The following RPS6KC1 variants were observed in gnomAD, a reference collection of about 807,000 sequenced individuals.
RPS6KC1 encodes the protein inactive ribosomal protein S6 kinase delta-1.
A neutral mutation model predicts 103.8 loss-of-function variants in RPS6KC1; 54 were observed. The ratio of observed to expected loss-of-function variants is 0.52; its 90% CI spans 0.42 to 0.65. The LOEUF (loss-of-function observed/expected upper bound fraction) is 0.65. Ranked by LOEUF, RPS6KC1 falls within the 30% of genes least tolerant of loss-of-function variation. RPS6KC1 has a pLI of 0.00. For synonymous variants in RPS6KC1, 439 were observed against 438.7 expected (o/e 1.00, Z -0.01); for missense variants, 1,151 against 1,253.8 (o/e 0.92, Z 1.24).
At chr1:213,461,428 G>A in the RPS6KC1 span, among the ~76,000 whole-genome samples, 3 of 151,948 alleles carry the variant, frequency 2.0e-5, no homozygotes, top group Non-Finnish European at 4.4e-5. Flanking sequence ...GTTAGAAAAC[G>A]GTACTTTAAA....
intron 14 of RPS6KC1, among the ~76,000 whole-genome samples, chr1:213,270,596 TGAG>T (rs2095025250): frequency 1.2e-5 from 1 of 82,686 alleles, no homozygotes; most frequent in Admixed American, 1.8e-4. Context: ...GACAACATAG[TGAG>T]ACCCCGCCTC....
At chr1:213,071,170 C>G (rs534515430) in intron 2 of RPS6KC1, 129 bp downstream of exon 2, 216 of 550,946 alleles carry the variant, frequency 3.9e-4, no homozygotes, top group Non-Finnish European at 6.3e-4. Context: ...GCTCCTGTTG[C>G]TCAGGCTGGA....
the RPS6KC1 span, among the ~76,000 whole-genome samples, chr1:213,292,109 G>A: frequency 6.6e-6 from 1 of 151,968 alleles, no homozygotes; most frequent in Non-Finnish European, 1.5e-5. Context: ...GAGGGGTGGG[G>A]GTAGGGGGTA....
chr1:213,330,073 T>C, the RPS6KC1 span, among the ~76,000 whole-genome samples: 1 of 152,244 alleles, frequency 6.6e-6, no homozygotes, highest in Non-Finnish European at 1.5e-5. Flanking sequence ...CCATTCACAC[T>C]GGGTATTGTG....
the RPS6KC1 span, among the ~76,000 whole-genome samples, chr1:213,600,187 A>T: frequency 6.6e-6 from 1 of 152,250 alleles, no homozygotes; most frequent in East Asian, 1.9e-4. Flanking sequence ...CTCCCCAGCC[A>T]TGTGGAACTG....
At chr1:213,474,861 A>G in the RPS6KC1 span, among the ~76,000 whole-genome samples, 3 of 152,216 alleles carry the variant, frequency 2.0e-5, no homozygotes, top group Non-Finnish European at 4.4e-5. Flanking sequence ...ACAAAGTTCA[A>G]TATAAAACTT....
At chr1:213,335,096 A>C in the RPS6KC1 span, among the ~76,000 whole-genome samples, 4 of 152,214 alleles carry the variant, frequency 2.6e-5, no homozygotes, top group East Asian at 7.7e-4. Context: ...CATTTTGCAC[A>C]TGTGGGAGCT....
At chr1:213,334,849 T>C in the RPS6KC1 span, among the ~76,000 whole-genome samples, 1 of 152,240 alleles carries the variant, frequency 6.6e-6, no homozygotes, top group African/African-American at 2.4e-5. Flanking sequence ...TCTAGAGATA[T>C]ATATATTTAC....
chr1:213,476,654 C>T, the RPS6KC1 span, among the ~76,000 whole-genome samples: 1 of 152,168 alleles, frequency 6.6e-6, no homozygotes. Flanking sequence ...TTAACTCAGC[C>T]AGAGAAATTT....
At chr1:213,328,773 A>G in the RPS6KC1 span, among the ~76,000 whole-genome samples, 1 of 151,924 alleles carries the variant, frequency 6.6e-6, no homozygotes, top group Admixed American at 6.6e-5. Flanking sequence ...GACAGAGAAG[A>G]CACTGTAAAT....
chr1:213,678,801 A>G, the RPS6KC1 span, among the ~76,000 whole-genome samples: 1 of 152,194 alleles, frequency 6.6e-6, no homozygotes, highest in African/African-American at 2.4e-5. Flanking sequence ...CTTGGGAGTC[A>G]CGCTGACTAA....
At chr1:213,627,057 A>G in the RPS6KC1 span, among the ~76,000 whole-genome samples, 1 of 152,192 alleles carries the variant, frequency 6.6e-6, no homozygotes, top group Admixed American at 6.5e-5. Flanking sequence ...CCTACCCATG[A>G]GCATGGAATG....
the RPS6KC1 span, among the ~76,000 whole-genome samples, chr1:213,608,624 G>A: frequency 1.3e-5 from 2 of 151,108 alleles, no homozygotes; most frequent in Admixed American, 1.3e-4. Flanking sequence ...AGTAATTCCT[G>A]ATCACTGTAG....
the RPS6KC1 span, among the ~76,000 whole-genome samples, chr1:213,681,069 G>GT: frequency 2.0e-5 from 3 of 152,068 alleles, no homozygotes; most frequent in Non-Finnish European, 2.9e-5. Context: ...CTCTGACGCT[G>GT]TAACACCCTG....
At chr1:213,625,219 GA>G in the RPS6KC1 span, among the ~76,000 whole-genome samples, 9,077 of 151,778 alleles carry the variant, frequency 0.06, 581 homozygotes, top group East Asian at 0.29. Context: ...AAAAGAAAAA[GA>G]AAAAAAAGCA....
the RPS6KC1 span, among the ~76,000 whole-genome samples, chr1:213,848,907 C>T: frequency 1.1e-4 from 17 of 151,966 alleles, no homozygotes; most frequent in East Asian, 1.2e-3. Context: ...AGAGGAATCC[C>T]GGGGCATTAA....
At chr1:213,572,925 GTTTCTCTC>G in the RPS6KC1 span, among the ~76,000 whole-genome samples, 2 of 152,108 alleles carry the variant, frequency 1.3e-5, no homozygotes, top group East Asian at 3.9e-4. Flanking sequence ...CTCTGTGTGT[GTTTCTCTC>G]TTTCTCTCTT....
chr1:213,762,723 A>C, the RPS6KC1 span, among the ~76,000 whole-genome samples: 1 of 152,190 alleles, frequency 6.6e-6, no homozygotes, highest in Non-Finnish European at 1.5e-5. Flanking sequence ...ATTGTATGCT[A>C]TTAACAAGCT....
At chr1:213,844,288 C>A in the RPS6KC1 span, among the ~76,000 whole-genome samples, 1 of 152,084 alleles carries the variant, frequency 6.6e-6, no homozygotes, top group African/African-American at 2.4e-5. Context: ...TTTGCCACTG[C>A]CAACTTTTAT....
Sources: allele counts gnomAD v4.1 joint callset (sites outside exome capture counted in the v4.1 genomes callset), GRCh38; gene constraint gnomAD v4.1.1; transcripts MANE v1.5; gene names NCBI Gene and HGNC (gene_info 2026-07-23, HGNC 2026-07-21).